The following UBR4 variants were observed in gnomAD, a reference collection of about 807,000 sequenced individuals.
UBR4 encodes the protein ubiquitin protein ligase E3 component n-recognin 4, also known as E3 ubiquitin-protein ligase UBR4.
Under a neutral mutation model 575.6 loss-of-function variants are expected in UBR4, and 124 were observed. That is an observed-to-expected ratio of 0.22 (90% CI 0.19 to 0.25). The LOEUF is 0.25. Ranked by LOEUF, UBR4 falls within the 10% of genes least tolerant of loss-of-function variation. The pLI is 1.00. For missense variants in UBR4, 4,818 were observed against 6,478.8 expected (o/e 0.74, Z 8.80); for synonymous variants, 2,455 against 2,473.7 (o/e 0.99, Z 0.22).
chr1:19,136,437 AG>A (rs547879255), intron 60 of UBR4, among the ~76,000 whole-genome samples: 144 of 152,330 alleles, frequency 9.5e-4, no homozygotes, highest in African/African-American at 3.3e-3. Context: ...ATTTTGGATA[AG>A]GTAAGTATGC....
At chr1:19,202,653 T>C (rs560892173) in intron 1 of UBR4, among the ~76,000 whole-genome samples, 2 of 152,328 alleles carry the variant, frequency 1.3e-5, no homozygotes, top group African/African-American at 4.8e-5. Context: ...ATTTTTTTTT[T>C]TAACCACATC....
In UBR4 at chr1:19,173,345, A is replaced by G. The variant is rs1176215507; in HGVS notation, c.3166-39T>C. The stretch of plus-strand genomic sequence containing the variant: ...AAGAAAAAGTGTTTAGGAGATGACT[A>G]TAGGCAAAGCTTTCATTATCTTCAA... On this transcript the variant is annotated intron_variant, in intron 23 of 105. Transcript: ENST00000375254. The G allele has an allele frequency of 2.5e-6, 4 of 1,612,602 alleles. No homozygotes were observed. In the Admixed American group the frequency reaches 6.7e-5, roughly 27 times the overall value.
Position 19,144,124 on chromosome 1 carries a change from T to C in UBR4, c.8068-33A>G, listed in dbSNP as rs1011904532. 1.9e-6 allele frequency: 3 copies of C among 1,585,002 alleles called. No homozygotes were observed. In the African/African-American group the frequency reaches 4.0e-5, roughly 21 times the overall value. ...TTAAAAGGAAACTGTCACGCTTTGC[T>C]CTCATATTATTCATGAAACTCTCTA... On this transcript the variant is annotated intron_variant, in intron 54 of 105. Coordinates refer to ENST00000375254, the MANE Select transcript of UBR4 (RefSeq NM_020765.3).
At position 19,089,598 on chromosome 1, in the gene UBR4, C is replaced by T. The variant is rs539399682; in HGVS notation, c.14212-621G>A. Among the ~76,000 whole-genome samples the T allele has an allele frequency of 3.3e-5, 5 of 152,280 alleles. No individual in the cohort carries two copies. Among genetic ancestry groups the T allele is most frequent in the South Asian group, 2.1e-4 (1 of 4,824 alleles). ...ACTACGTATAGCGCTATGTGATAAACGGGGGTGGAGAACATCAGAAGGCTA... is the reference window on the plus strand; with the variant it reads ...ACTACGTATAGCGCTATGTGATAAATGGGGGTGGAGAACATCAGAAGGCTA... On this transcript the variant is annotated intron_variant, in intron 97 of 105. Transcript: ENST00000375254. The surrounding 1 kb of genome is among the most constrained non-coding windows in gnomAD (Gnocchi z 4.3).
chr1:19,099,568 C>T (rs1271366908), intron 90 of UBR4, 29 bp downstream of exon 90: 1 of 1,602,144 alleles, frequency 6.2e-7, no homozygotes, highest in Non-Finnish European at 8.5e-7. Flanking sequence ...AGTGAAACCA[C>T]ACCTCCAAAC....
chr1:19,115,101 C>T (rs1444763574), intron 74 of UBR4, 152 bp from the exon 75 acceptor site: 6 of 1,252,980 alleles, frequency 4.8e-6, no homozygotes, highest in Non-Finnish European at 6.6e-6. Context: ...CTTAAGCAGC[C>T]AGGTAACAAG....
chr1:19,186,835 T>G (rs2091573715), intron 13 of UBR4, among the ~76,000 whole-genome samples, 178 bp from the exon 14 acceptor site: 1 of 152,142 alleles, frequency 6.6e-6, no homozygotes, highest in Non-Finnish European at 1.5e-5. Context: ...ACCAGAGACG[T>G]GGACAAGAAT....
rs111295306 is a variant in UBR4 at position 19,127,249 on chromosome 1, T to A, written c.9228+374A>T. 5.6e-3 allele frequency among the ~76,000 whole-genome samples: 851 copies of A among 152,344 alleles called. 5 individuals carry two copies. Among genetic ancestry groups the A allele is most frequent in the Non-Finnish European group, 8.9e-3 (608 of 68,034 alleles). ...AGCCTCAATTTCTACCTTCTCTGCT[T>A]TATGCTAATCTCCTTTCACCACACA... On this transcript the variant is annotated intron_variant, in intron 63 of 105. Coordinates refer to ENST00000375254, the MANE Select transcript of UBR4 (RefSeq NM_020765.3).
At chr1:19,102,312 C>A (rs377675158) in intron 87 of UBR4, among the ~76,000 whole-genome samples, 1 of 151,986 alleles carries the variant, frequency 6.6e-6, no homozygotes, top group East Asian at 1.9e-4. Context: ...TTACAGTGAG[C>A]CTCGATCACA....
chr1:19,197,302 A>C (rs199954058), intron 7 of UBR4, 37 bp from the exon 8 acceptor site: 58 of 1,613,372 alleles, frequency 3.6e-5, no homozygotes, highest in Non-Finnish European at 4.5e-5. Flanking sequence ...GTCTCTTAGA[A>C]TCATTCACTT....
At chr1:19,205,128 T>C (rs1269383075) in intron 1 of UBR4, among the ~76,000 whole-genome samples, 1 of 152,170 alleles carries the variant, frequency 6.6e-6, no homozygotes, top group East Asian at 1.9e-4. Context: ...CCGCTGAGCG[T>C]GAAACACTGT....
At chr1:19,158,337 C>G (rs1049834556) in intron 39 of UBR4, among the ~76,000 whole-genome samples, 2 of 152,160 alleles carry the variant, frequency 1.3e-5, no homozygotes, top group African/African-American at 4.8e-5. Flanking sequence ...TTTATGGGCC[C>G]CCAACCCAAG....
Position 19,173,239 on chromosome 1 carries a change from G to A in UBR4, c.3233C>T (p.Thr1078Ile), listed in dbSNP as rs780585905. The A allele has an allele frequency of 5.6e-6, 9 of 1,614,088 alleles. No individual in the cohort carries two copies. The East Asian group carries it at 1.8e-4, about 32-fold the overall frequency. The change falls in exon 24 of 106, where the codon ACT becomes ATT. Residue 1078 changes from threonine (T) to isoleucine (I), a missense_variant. Around this residue, in one of 29 missense-constraint regions of UBR4, gnomAD observed 1,172 missense variants for 1,259.7 expected, o/e 0.93. Coordinates refer to ENST00000375254, the MANE Select transcript of UBR4 (RefSeq NM_020765.3). ...ASSLLELAST[T>I]KCSSVKYDVE... ...ATCATATTTCACTGAGCTACACTTAGTGGTGGATGCCAGTTCTAGAAGCGA... is the reference window on the plus strand; with the variant it reads ...ATCATATTTCACTGAGCTACACTTAATGGTGGATGCCAGTTCTAGAAGCGA...
At chr1:19,141,812 T>C in intron 55 of UBR4, 35 bp from the exon 56 acceptor site, 1 of 1,609,908 alleles carries the variant, frequency 6.2e-7, no homozygotes, top group Non-Finnish European at 8.5e-7. Flanking sequence ...CTGAAGGTGC[T>C]TGCTTTCCTC....
intron 31 of UBR4, 89 bp downstream of exon 31, chr1:19,165,160 T>C: frequency 6.7e-7 from 1 of 1,482,168 alleles, no homozygotes; most frequent in Non-Finnish European, 9.3e-7. Context: ...AGCATTTTCA[T>C]GCTGTAGTTA....
chr1:19,086,905 C>T, intron 99 of UBR4, 84 bp from the exon 100 acceptor site: 7 of 1,553,256 alleles, frequency 4.5e-6, no homozygotes, highest in Non-Finnish European at 6.1e-6. Context: ...AACTGCCGCC[C>T]TTCTTGGGCA....
chr1:19,156,457 G>C (rs1183145049), intron 41 of UBR4, 34 bp from the exon 42 acceptor site: 1 of 1,604,120 alleles, frequency 6.2e-7, no homozygotes. Flanking sequence ...ATGGTGAAAA[G>C]ATGATCTGAA....
chr1:19,160,080 C>T, intron 39 of UBR4, 31 bp downstream of exon 39: 1 of 1,594,092 alleles, frequency 6.3e-7, no homozygotes, highest in Non-Finnish European at 8.6e-7. Context: ...GTTCCCACAG[C>T]CACCAAACAT....
At chr1:19,116,482 G>A (rs113382769) in intron 73 of UBR4, among the ~76,000 whole-genome samples, 32 of 151,878 alleles carry the variant, frequency 2.1e-4, no homozygotes, top group Middle Eastern at 3.4e-3. Flanking sequence ...TCATGGCCAC[G>A]TGTTGCTGTG....
Sources: gnomAD v4.1 joint callset for allele counts (sites outside exome capture counted in the v4.1 genomes callset) on GRCh38, gnomAD v4.1.1 for gene constraint, gnomAD v4.1.1 regional missense constraint, Gnocchi (gnomAD v3.1) non-coding constraint, MANE v1.5 for transcripts, NCBI Gene and HGNC (gene_info 2026-07-23, HGNC 2026-07-21) for gene names.